Variants in TMEM131L observed in about 807,000 individuals in gnomAD.
TMEM131L encodes the protein transmembrane 131 like, also known as transmembrane protein 131-like.
A neutral mutation model predicts 192.2 loss-of-function variants in TMEM131L; 54 were observed. The ratio of observed to expected loss-of-function variants is 0.28; its 90% CI spans 0.23 to 0.35. TMEM131L has a LOEUF of 0.35. Ranked by LOEUF, TMEM131L falls within the 10% of genes least tolerant of loss-of-function variation. The probability of loss-of-function intolerance (pLI) is 1.00; values close to 1 mark genes in which losing one functional copy is unlikely to be tolerated. For missense variants in TMEM131L, 1,888 were observed against 1,972.9 expected (o/e 0.96, Z 0.82); for synonymous variants, 701 against 704.9 (o/e 0.99, Z 0.09).
intron 3 of TMEM131L, among the ~76,000 whole-genome samples, chr4:153,530,033 C>CTTT (rs35942570): frequency 7.1e-6 from 1 of 140,890 alleles, no homozygotes; most frequent in Admixed American, 7.1e-5. Context: ...CTCTGTTGTC[C>CTTT]TTTTTTTTTT....
chr4:153,614,638 G>A (rs559155260), intron 26 of TMEM131L, among the ~76,000 whole-genome samples: 2 of 152,190 alleles, frequency 1.3e-5, no homozygotes, highest in Admixed American at 1.3e-4. Context: ...CTGTCAGGAT[G>A]CCTGTTACGT....
At chr4:153,563,150 G>A (rs142234964) in intron 7 of TMEM131L, among the ~76,000 whole-genome samples, 4 of 152,290 alleles carry the variant, frequency 2.6e-5, no homozygotes, top group Admixed American at 6.5e-5. Context: ...GGAAGGTGAA[G>A]GTTCCAAAAT....
At chr4:153,475,873 T>G (rs186287939) in intron 3 of TMEM131L, among the ~76,000 whole-genome samples, 1 of 152,350 alleles carries the variant, frequency 6.6e-6, no homozygotes, top group African/African-American at 2.4e-5. Context: ...TATCAGGGAC[T>G]TGAGCATCTT....
chr4:153,592,409 C>G, intron 17 of TMEM131L, 66 bp from the exon 18 acceptor site: 1 of 1,062,420 alleles, frequency 9.4e-7, no homozygotes, highest in Admixed American at 1.7e-5. Context: ...TGCTTTTTGG[C>G]CAGAATATCT....
At chr4:153,489,625 G>A (rs899446715) in intron 3 of TMEM131L, among the ~76,000 whole-genome samples, 3 of 152,112 alleles carry the variant, frequency 2.0e-5, no homozygotes, top group Non-Finnish European at 4.4e-5. Flanking sequence ...TTACAGGCAT[G>A]TACCACCATG....
Position 153,517,116 on chromosome 4 carries a change from C to T in TMEM131L, c.240-32957C>T, listed in dbSNP as rs532507194. On this transcript the variant is annotated intron_variant, in intron 3 of 34. Coordinates refer to ENST00000409959, the MANE Select transcript of TMEM131L (RefSeq NM_001131007.2). ...CTGGGATTACAGGCGTGAGCCACCACGCCTGGCCAGCTCATCTTTTAAATT... is the reference window on the plus strand; with the variant it reads ...CTGGGATTACAGGCGTGAGCCACCATGCCTGGCCAGCTCATCTTTTAAATT... Among the ~76,000 whole-genome samples the T allele has an allele frequency of 5.3e-5, 8 of 152,316 alleles. No individual in the cohort carries two copies. In the South Asian group the frequency reaches 8.3e-4, roughly 16 times the overall value.
chr4:153,591,340 T>C (rs1731054155), intron 17 of TMEM131L, 146 bp downstream of exon 17: 1 of 632,200 alleles, frequency 1.6e-6, no homozygotes. Flanking sequence ...AGTAAAACTC[T>C]AAACAGACTG....
intron 3 of TMEM131L, among the ~76,000 whole-genome samples, chr4:153,512,533 CT>C (rs1734425398): frequency 6.6e-6 from 1 of 152,196 alleles, no homozygotes; most frequent in Non-Finnish European, 1.5e-5. Flanking sequence ...AAAATACACT[CT>C]TTCTAAGATC....
At chr4:153,495,425 C>A (rs1733107838) in intron 3 of TMEM131L, among the ~76,000 whole-genome samples, 1 of 151,958 alleles carries the variant, frequency 6.6e-6, no homozygotes, top group African/African-American at 2.4e-5. Context: ...ATACAGCTTG[C>A]TTTTATATAT....
In TMEM131L at chr4:153,580,910, TA is replaced by T. The variant is rs1730287785; in HGVS notation, c.738+11del. 1 of 1,569,778 alleles carries T rather than the reference TA, an allele frequency of 6.4e-7. No homozygotes were observed. Among genetic ancestry groups the T allele is most frequent in the African/African-American group, 1.4e-5 (1 of 73,512 alleles). ...AGTGTGTCAGCAATTAAAGGTAAAA[TA>T]AAATGTGTAGTGTTTTCTCTCTGCT... On this transcript the variant is annotated splice_region_variant and intron_variant, in intron 8 of 34. Coordinates refer to ENST00000409959, the MANE Select transcript of TMEM131L (RefSeq NM_001131007.2).
chr4:153,529,806 G>A (rs1561162771), intron 3 of TMEM131L, among the ~76,000 whole-genome samples: 1 of 152,012 alleles, frequency 6.6e-6, no homozygotes, highest in Admixed American at 6.5e-5. Context: ...TCTGTATTTG[G>A]CTTATGCCCA....
chr4:153,518,730 A>G (rs773977358), intron 3 of TMEM131L, among the ~76,000 whole-genome samples: 6 of 152,190 alleles, frequency 3.9e-5, no homozygotes, highest in Non-Finnish European at 8.8e-5. Flanking sequence ...GTACGAGTTT[A>G]CTGTAAAAAT....
intron 3 of TMEM131L, among the ~76,000 whole-genome samples, chr4:153,515,806 A>G (rs1057228866): frequency 6.6e-6 from 1 of 152,074 alleles, no homozygotes; most frequent in African/African-American, 2.4e-5. Context: ...ATGTGGTATC[A>G]TTGTTTTGAT....
intron 3 of TMEM131L, among the ~76,000 whole-genome samples, chr4:153,542,202 A>G (rs1407261366): frequency 1.3e-5 from 2 of 152,216 alleles, no homozygotes; most frequent in East Asian, 1.9e-4. Flanking sequence ...AGCTTTGGAA[A>G]TGACAGCATG....
At chr4:153,545,736 T>G (rs563548394) in intron 3 of TMEM131L, among the ~76,000 whole-genome samples, 1 of 152,336 alleles carries the variant, frequency 6.6e-6, no homozygotes, top group Non-Finnish European at 1.5e-5. Context: ...GTGGAAATCC[T>G]TGTCTACAGG....
Position 153,504,335 on chromosome 4 carries a change from A to G in TMEM131L, c.239+30447A>G, listed in dbSNP as rs184407198. On this transcript the variant is annotated intron_variant, in intron 3 of 34. Coordinates refer to ENST00000409959, the MANE Select transcript of TMEM131L (RefSeq NM_001131007.2). ...TCGCCTGTTGCCCAGGCTGCAGTGCAGTGGTGTGATCTCGGCTCACTGCAA... is the reference window on the plus strand; with the variant it reads ...TCGCCTGTTGCCCAGGCTGCAGTGCGGTGGTGTGATCTCGGCTCACTGCAA... 5.2e-3 allele frequency among the ~76,000 whole-genome samples: 597 copies of G among 115,180 alleles called. 7 individuals carry two copies. The highest frequency in any genetic ancestry group is 0.02 in the African/African-American group (578 of 29,468). 75.6% of individuals were successfully genotyped at this position (115,180 alleles called of 152,430 possible).
chr4:153,525,601 A>G (rs1735413542), intron 3 of TMEM131L, among the ~76,000 whole-genome samples: 1 of 152,132 alleles, frequency 6.6e-6, no homozygotes, highest in South Asian at 2.1e-4. Context: ...GGGCCTCCCA[A>G]AGTGCTGGGA....
In TMEM131L at chr4:153,593,848, C is replaced by T. The variant is rs766793297; in HGVS notation, c.1972C>T (p.Leu658Phe). The part of the protein sequence containing the change: ...MINFTTGEFQ[L>F]TEACPYLGTH... ...TAATTTCACAACTGGTGAATTCCAGCTCACCGAAGCTTGCCCTTACCTGGT... is the reference window on the plus strand; with the variant it reads ...TAATTTCACAACTGGTGAATTCCAGTTCACCGAAGCTTGCCCTTACCTGGT... Residue 658 changes from leucine to phenylalanine, a missense_variant, in exon 19 of 35, where the codon CTC (leucine) becomes TTC (phenylalanine). Leu to Phe is a conservative substitution (Grantham distance 22). Coordinates refer to ENST00000409959, the MANE Select transcript of TMEM131L (RefSeq NM_001131007.2). The T allele has an allele frequency of 1.9e-6, 3 of 1,613,138 alleles. No homozygotes were observed. Among genetic ancestry groups the T allele is most frequent in the Non-Finnish European group, 1.7e-6 (2 of 1,179,118 alleles).
At chr4:153,536,193 G>C (rs893054516) in intron 3 of TMEM131L, among the ~76,000 whole-genome samples, 9 of 152,160 alleles carry the variant, frequency 5.9e-5, no homozygotes, top group African/African-American at 1.9e-4. Context: ...TGGCCACTGG[G>C]GGGGTTAACA....
Sources: gnomAD v4.1 joint callset for allele counts (sites outside exome capture counted in the v4.1 genomes callset) on GRCh38, gnomAD v4.1.1 for gene constraint, MANE v1.5 for transcripts, NCBI Gene and HGNC (gene_info 2026-07-23, HGNC 2026-07-21) for gene names.